The following PACRG variants were observed in gnomAD, a reference collection of about 807,000 sequenced individuals.
The protein encoded by PACRG is parkin coregulated gene protein.
In PACRG, 29 loss-of-function variants were observed where a neutral mutation model predicts 29.7. That is an observed-to-expected ratio of 0.98 (90% CI 0.73 to 1.33). The LOEUF (loss-of-function observed/expected upper bound fraction) is 1.33. Among genes scored for constraint, PACRG ranks in the 40% most tolerant of loss-of-function variants. PACRG has a pLI of 0.00. For synonymous variants in PACRG, 116 were observed against 118.7 expected (o/e 0.98, Z 0.15); for missense variants, 279 against 316.2 (o/e 0.88, Z 0.89).
At chr6:163,287,389 C>T (rs1195124161) in intron 4 of PACRG, among the ~76,000 whole-genome samples, 5 of 152,160 alleles carry the variant, frequency 3.3e-5, no homozygotes, top group African/African-American at 1.2e-4. Context: ...ACCCCAGAAG[C>T]CGGGGACCCT....
chr6:162,785,796 T>A (rs1784422787), intron 1 of PACRG, among the ~76,000 whole-genome samples: 1 of 152,146 alleles, frequency 6.6e-6, no homozygotes, highest in Admixed American at 6.5e-5. Flanking sequence ...TCACCTGCTA[T>A]GCGGCCCAGT....
intron 1 of PACRG, among the ~76,000 whole-genome samples, chr6:162,785,734 A>G (rs1053458838): frequency 6.6e-6 from 1 of 152,254 alleles, no homozygotes; most frequent in African/African-American, 2.4e-5. Flanking sequence ...TAATGCTACC[A>G]CTGATCTAAC....
chr6:162,764,676 G>T (rs946922713), intron 1 of PACRG, among the ~76,000 whole-genome samples: 1 of 151,320 alleles, frequency 6.6e-6, no homozygotes, highest in African/African-American at 2.4e-5. Context: ...TCATGTCTGA[G>T]AATTTTATAT....
chr6:163,248,784 G>A (rs1230417132), intron 4 of PACRG, among the ~76,000 whole-genome samples: 1 of 152,108 alleles, frequency 6.6e-6, no homozygotes, highest in African/African-American at 2.4e-5. Context: ...GGAGGCCAAG[G>A]CGGCCAGATC....
chr6:163,174,566 A>T (rs1278444768), intron 4 of PACRG, among the ~76,000 whole-genome samples: 1 of 152,256 alleles, frequency 6.6e-6, no homozygotes, highest in Admixed American at 6.5e-5. Context: ...AAGCTAAACC[A>T]TACCAAAGCC....
At chr6:163,008,367 T>C (rs1805315942) in intron 2 of PACRG, among the ~76,000 whole-genome samples, 1 of 152,054 alleles carries the variant, frequency 6.6e-6, no homozygotes, top group African/African-American at 2.4e-5. Flanking sequence ...TCACAGCTAA[T>C]TGACTCTGAA....
chr6:162,944,174 C>A (rs1265668353), intron 2 of PACRG, among the ~76,000 whole-genome samples: 1 of 152,198 alleles, frequency 6.6e-6, no homozygotes, highest in African/African-American at 2.4e-5. Context: ...CTAGTAATAA[C>A]TACCGTAAGC....
intron 2 of PACRG, among the ~76,000 whole-genome samples, chr6:162,989,756 A>G (rs1420755506): frequency 7.4e-6 from 1 of 135,966 alleles, no homozygotes; most frequent in East Asian, 2.2e-4. Flanking sequence ...TTTTTATTAT[A>G]CTTTAAGTTT....
At chr6:163,255,888 G>A (rs984041500) in intron 4 of PACRG, among the ~76,000 whole-genome samples, 7 of 152,056 alleles carry the variant, frequency 4.6e-5, no homozygotes, top group Admixed American at 1.3e-4. Flanking sequence ...CACCTGCCTC[G>A]GCCTCCCAAA....
At chr6:162,744,588 A>G (rs185691980) in intron 1 of PACRG, among the ~76,000 whole-genome samples, 53 of 152,228 alleles carry the variant, frequency 3.5e-4, no homozygotes, top group African/African-American at 1.1e-3. Flanking sequence ...GCGAGACCCC[A>G]TCTCTTTATA....
At chr6:163,076,774 C>T (rs796832301) in intron 3 of PACRG, among the ~76,000 whole-genome samples, 12 of 152,242 alleles carry the variant, frequency 7.9e-5, no homozygotes, top group African/African-American at 2.6e-4. Context: ...CCTTCAAAGC[C>T]CAGCTCCAAT....
chr6:163,269,416 G>T (rs1392407535), intron 4 of PACRG, among the ~76,000 whole-genome samples: 1 of 152,294 alleles, frequency 6.6e-6, no homozygotes, highest in African/African-American at 2.4e-5. Flanking sequence ...TGGTTGACAG[G>T]TTCTGTAGAT....
chr6:163,146,546 GA>G (rs1204652980), intron 4 of PACRG, among the ~76,000 whole-genome samples: 3 of 152,170 alleles, frequency 2.0e-5, no homozygotes, highest in Non-Finnish European at 4.4e-5. Flanking sequence ...AGAAAATCCT[GA>G]CATTGTATGT....
At chr6:163,190,771 A>G (rs1363046546) in intron 4 of PACRG, 1 of 304,320 alleles carries the variant, frequency 3.3e-6, no homozygotes, top group East Asian at 8.9e-5. Flanking sequence ...CAAAAAGCCC[A>G]CTCAAATGTT....
intron 4 of PACRG, among the ~76,000 whole-genome samples, chr6:163,178,906 A>G (rs535837267): frequency 3.9e-5 from 6 of 152,256 alleles, no homozygotes; most frequent in Non-Finnish European, 8.8e-5. Context: ...CTCAGGTAAT[A>G]TAAGTGAATT....
chr6:162,988,661 G>T (rs1360506483), intron 2 of PACRG, among the ~76,000 whole-genome samples: 2 of 152,102 alleles, frequency 1.3e-5, no homozygotes, highest in Non-Finnish European at 2.9e-5. Context: ...TTATGCTAAG[G>T]AAACAACTGA....
chr6:162,836,092 A>G (rs1018332760), intron 2 of PACRG, among the ~76,000 whole-genome samples: 1 of 152,052 alleles, frequency 6.6e-6, no homozygotes, highest in Non-Finnish European at 1.5e-5. Context: ...TTAAGGTTAT[A>G]TTTGACTTTA....
chr6:162,864,698 C>T (rs1467819786), intron 2 of PACRG, among the ~76,000 whole-genome samples: 7 of 152,168 alleles, frequency 4.6e-5, no homozygotes, highest in African/African-American at 1.7e-4. Flanking sequence ...TCAGTCTCTA[C>T]AAGTGTTGAC....
intron 4 of PACRG, among the ~76,000 whole-genome samples, chr6:163,254,711 A>G (rs1215512278): frequency 6.6e-6 from 1 of 152,212 alleles, no homozygotes. Context: ...CCCGTGCAGC[A>G]GGGCAGAACC....
Sources: gnomAD v4.1 joint callset for allele counts (sites outside exome capture counted in the v4.1 genomes callset) on GRCh38, gnomAD v4.1.1 for gene constraint, MANE v1.5 for transcripts, NCBI Gene and HGNC (gene_info 2026-07-23, HGNC 2026-07-21) for gene names.